The following ASAP1 variants were observed in gnomAD, a reference collection of about 807,000 sequenced individuals.
ASAP1 encodes the protein ArfGAP with SH3 domain, ankyrin repeat and PH domain 1.
In ASAP1, 43 loss-of-function variants were observed where a neutral mutation model predicts 145.2. The ratio of observed to expected loss-of-function variants is 0.30; its 90% CI spans 0.23 to 0.38. The LOEUF is 0.38. Ranked by LOEUF, ASAP1 falls within the 10% of genes least tolerant of loss-of-function variation. The probability of loss-of-function intolerance (pLI) is 1.00; values close to 1 mark genes in which losing one functional copy is unlikely to be tolerated. For synonymous variants in ASAP1, 546 were observed against 515.5 expected (o/e 1.06, Z -0.80); for missense variants, 1,018 against 1,355.3 (o/e 0.75, Z 3.91).
intron 7 of ASAP1, among the ~76,000 whole-genome samples, chr8:130,183,249 G>A (rs558405561): frequency 4.6e-4 from 68 of 147,324 alleles, no homozygotes; most frequent in Non-Finnish European, 9.3e-4. Context: ...ATGGGAATCA[G>A]AAAGGTATCA....
intron 24 of ASAP1, among the ~76,000 whole-genome samples, chr8:130,097,689 A>G (rs72722325): frequency 0.057 from 8,613 of 152,266 alleles, 326 homozygotes; most frequent in Non-Finnish European, 0.082. Flanking sequence ...GGCAGTTTTC[A>G]GGCCAAAGCT....
intron 3 of ASAP1, among the ~76,000 whole-genome samples, chr8:130,348,945 G>A (rs1325530462): frequency 1.3e-5 from 2 of 152,246 alleles, no homozygotes; most frequent in Admixed American, 6.5e-5. Flanking sequence ...AGAATCAGAA[G>A]GGGCAGCTTT....
At chr8:130,094,008 G>A (rs149483226) in intron 24 of ASAP1, among the ~76,000 whole-genome samples, 124 of 152,070 alleles carry the variant, frequency 8.2e-4, no homozygotes, top group African/African-American at 1.8e-3. Flanking sequence ...GTCCCATTGC[G>A]TAATTCTATT....
At chr8:130,217,111 A>G (rs2136456040) in intron 4 of ASAP1, among the ~76,000 whole-genome samples, 1 of 152,326 alleles carries the variant, frequency 6.6e-6, no homozygotes, top group African/African-American at 2.4e-5. Flanking sequence ...TGCACCATCC[A>G]AGGCCATGTG....
intron 24 of ASAP1, among the ~76,000 whole-genome samples, chr8:130,107,515 A>AAAATGT (rs1554823935): frequency 9.8e-6 from 1 of 101,708 alleles, no homozygotes; most frequent in Non-Finnish European, 2.1e-5. Flanking sequence ...TTTTTTAAAA[A>AAAATGT]ATGTATGTAT....
chr8:130,415,693 C>G (rs991391649), intron 1 of ASAP1, among the ~76,000 whole-genome samples: 1 of 150,520 alleles, frequency 6.6e-6, no homozygotes, highest in Non-Finnish European at 1.5e-5. Context: ...GAGGCTTAGG[C>G]AGGAGAATTG....
chr8:130,344,802 C>CTT (rs1300083875), intron 3 of ASAP1, among the ~76,000 whole-genome samples: 1 of 152,090 alleles, frequency 6.6e-6, no homozygotes, highest in Non-Finnish European at 1.5e-5. Flanking sequence ...TAAAAAACCA[C>CTT]TTGGAGGACT....
At chr8:130,295,896 T>C (rs73409328) in intron 3 of ASAP1, among the ~76,000 whole-genome samples, 4,074 of 152,314 alleles carry the variant, frequency 0.027, 81 homozygotes, top group East Asian at 0.064. Flanking sequence ...AGCTGCGCTA[T>C]ATTAAAAAGG....
At chr8:130,415,471 G>T (rs1829436363) in intron 1 of ASAP1, among the ~76,000 whole-genome samples, 1 of 151,982 alleles carries the variant, frequency 6.6e-6, no homozygotes, top group African/African-American at 2.4e-5. Flanking sequence ...GCAAGACCCT[G>T]TCTCTTAAAA....
At chr8:130,115,961 C>A (rs1489778640) in intron 22 of ASAP1, among the ~76,000 whole-genome samples, 1 of 152,166 alleles carries the variant, frequency 6.6e-6, no homozygotes, top group Non-Finnish European at 1.5e-5. Context: ...GACTTGTCTC[C>A]AAAATTAAAA....
At chr8:130,100,147 C>A (rs544631999) in intron 24 of ASAP1, among the ~76,000 whole-genome samples, 1 of 152,050 alleles carries the variant, frequency 6.6e-6, no homozygotes, top group Admixed American at 6.6e-5. Flanking sequence ...TATAAGAGTT[C>A]CCCTTTCTCT....
At chr8:130,405,354 G>T (rs1426508495) in intron 1 of ASAP1, among the ~76,000 whole-genome samples, 1 of 152,108 alleles carries the variant, frequency 6.6e-6, no homozygotes, top group African/African-American at 2.4e-5. Flanking sequence ...TGACCCGGGT[G>T]GTCTAAAAAA....
intron 3 of ASAP1, among the ~76,000 whole-genome samples, chr8:130,314,088 C>T (rs1054421204): frequency 3.3e-5 from 5 of 152,150 alleles, no homozygotes; most frequent in African/African-American, 1.2e-4. Flanking sequence ...AATGCGTCAC[C>T]TTCAATTTGG....
intron 5 of ASAP1, among the ~76,000 whole-genome samples, chr8:130,202,412 C>T (rs1186875932): frequency 6.6e-6 from 1 of 152,160 alleles, no homozygotes; most frequent in Non-Finnish European, 1.5e-5. Flanking sequence ...CAATCTCTCA[C>T]ATAGAAAATG....
intron 1 of ASAP1, among the ~76,000 whole-genome samples, chr8:130,421,980 G>C (rs1188198868): frequency 2.0e-5 from 3 of 152,160 alleles, no homozygotes; most frequent in Admixed American, 1.3e-4. Flanking sequence ...ACAAAATAGT[G>C]GGGGAGACAG....
At chr8:130,153,751 A>AC (rs1177215571) in intron 12 of ASAP1, among the ~76,000 whole-genome samples, 2 of 152,314 alleles carry the variant, frequency 1.3e-5, no homozygotes, top group South Asian at 2.1e-4. Context: ...AATGACAGGT[A>AC]CTACAATGAT....
At chr8:130,287,825 A>G (rs1821709913) in intron 3 of ASAP1, among the ~76,000 whole-genome samples, 1 of 152,164 alleles carries the variant, frequency 6.6e-6, no homozygotes, top group Admixed American at 6.5e-5. Flanking sequence ...TGTCACCTCT[A>G]TACCCCTAGC....
At chr8:130,312,916 G>A (rs976514785) in intron 3 of ASAP1, among the ~76,000 whole-genome samples, 1 of 152,136 alleles carries the variant, frequency 6.6e-6, no homozygotes, top group African/African-American at 2.4e-5. Context: ...TCAAATGAAG[G>A]CCAAAAGGTG....
chr8:130,185,908 A>G (rs1381846015), intron 7 of ASAP1, among the ~76,000 whole-genome samples: 1 of 152,140 alleles, frequency 6.6e-6, no homozygotes, highest in Non-Finnish European at 1.5e-5. Context: ...CAGAGATTTA[A>G]AAAATATAAA....
Sources: gnomAD v4.1 joint callset for allele counts (sites outside exome capture counted in the v4.1 genomes callset) on GRCh38, gnomAD v4.1.1 for gene constraint, MANE v1.5 for transcripts, NCBI Gene and HGNC (gene_info 2026-07-23, HGNC 2026-07-21) for gene names.